The following ASPG variants were observed in gnomAD, a reference collection of about 807,000 sequenced individuals.
ASPG encodes the protein asparaginase, also known as 60 kDa lysophospholipase.
ASPG carries 53 observed loss-of-function variants against 63.2 expected under a neutral mutation model. The observed-to-expected ratio is 0.84, with a 90% CI of 0.67 to 1.05. The LOEUF is 1.05. ASPG is among the 50% of genes least tolerant of loss of function. The probability of loss-of-function intolerance (pLI) is 0.00; values close to 1 mark genes in which losing one functional copy is unlikely to be tolerated. For missense variants in ASPG, 741 were observed against 794.4 expected (o/e 0.93, Z 0.81); for synonymous variants, 370 against 355.0 (o/e 1.04, Z -0.48).
chr14:104,095,570 G>A lies in ASPG; in HGVS notation c.343G>A (p.Gly115Ser), dbSNP rs751249952. 7.4e-6 allele frequency: 12 copies of A among 1,613,080 alleles called. No individual in the cohort carries two copies. In the South Asian group the frequency reaches 7.7e-5, roughly 10 times the overall value. Residue 115 changes from glycine (G) to serine (S), a missense_variant, in exon 4 of 16, where the codon GGC becomes AGC. Transcript: ENST00000551177. ...EQYHGFVVIH[G>S]TDTMAFAASM... ...GTACCACGGCTTTGTGGTCATCCAC[G>A]GCACCGACACCATGGCCTTTGCTGC...
At chr14:104,098,555 G>A (rs1596082306) in intron 5 of ASPG, among the ~76,000 whole-genome samples, 1 of 152,156 alleles carries the variant, frequency 6.6e-6, no homozygotes, top group Admixed American at 6.5e-5. Flanking sequence ...CAGTGGGCAG[G>A]TGGGAAGGGA....
chr14:104,112,034 C>G, intron 15 of ASPG, 34 bp downstream of exon 15: 1 of 1,536,116 alleles, frequency 6.5e-7, no homozygotes, highest in Admixed American at 2.0e-5. Context: ...CTGACACCCC[C>G]CAGTGAGCTT....
At position 104,109,713 on chromosome 14, in the gene ASPG, G is replaced by A. The variant is rs1159523353; in HGVS notation, c.1520+398G>A. ...GGCTGCATTTGGGGAGGTTGGGGCAGGTGGGGCACAGAGGAGCTGAAGCCC... is the reference window on the plus strand; with the variant it reads ...GGCTGCATTTGGGGAGGTTGGGGCAAGTGGGGCACAGAGGAGCTGAAGCCC... On this transcript the variant is annotated intron_variant, in intron 13 of 15. Transcript: ENST00000551177. The surrounding 1 kb of genome is among the most constrained non-coding windows in gnomAD (Gnocchi z 4.8). Among the ~76,000 whole-genome samples the A allele has an allele frequency of 1.3e-5, 2 of 151,774 alleles. No homozygotes were observed. Among genetic ancestry groups the A allele is most frequent in the Non-Finnish European group, 2.9e-5 (2 of 67,906 alleles).
chr14:104,090,029 ACTC>A (rs1474188028), intron 1 of ASPG, among the ~76,000 whole-genome samples: 1 of 151,342 alleles, frequency 6.6e-6, no homozygotes, highest in African/African-American at 2.4e-5. Context: ...CTGGTTTTGA[ACTC>A]CTGGGCTCAA....
chr14:104,110,288 C>T lies in ASPG; in HGVS notation c.1520+973C>T. ...GGCTGGGAGGGGGTGGGTGCAGGCG[C>T]CTGCCCAGCAGGAGGAGGACTAGCA... On this transcript the variant is annotated intron_variant, in intron 13 of 15. Coordinates refer to ENST00000551177, the MANE Select transcript of ASPG (RefSeq NM_001080464.3). This position sits in a 1 kb window ranked among gnomAD's most constrained non-coding sequence, Gnocchi z 4.7. 2.0e-6 allele frequency: 2 copies of T among 985,232 alleles called. No individual in the cohort carries two copies. The highest frequency in any genetic ancestry group is 2.4e-6 in the Non-Finnish European group (2 of 829,878). 61.0% of individuals were successfully genotyped at this position (985,232 alleles called of 1,614,324 possible). A position where few individuals can be genotyped will look rare whatever the true frequency, so the allele number is the denominator to read the frequency against.
chr14:104,094,817 G>A (rs2140992990), intron 3 of ASPG, among the ~76,000 whole-genome samples: 1 of 152,330 alleles, frequency 6.6e-6, no homozygotes, highest in South Asian at 2.1e-4. Context: ...GTCTTGCCGC[G>A]AGTGGCCAGC....
intron 1 of ASPG, among the ~76,000 whole-genome samples, chr14:104,089,873 G>A (rs942532856): frequency 6.7e-6 from 1 of 149,274 alleles, no homozygotes; most frequent in Non-Finnish European, 1.5e-5. Flanking sequence ...GCTTGAGCCG[G>A]GTGGGTGGAG....
chr14:104,099,958 A>T (rs2036798774), intron 6 of ASPG, among the ~76,000 whole-genome samples: 2 of 152,082 alleles, frequency 1.3e-5, no homozygotes, highest in Admixed American at 6.5e-5. Context: ...GGTGGGGTGG[A>T]GGCGCCCCCT....
In ASPG at chr14:104,091,006, C is replaced by T. The variant is rs2036349945; in HGVS notation, c.83-1627C>T. Among the ~76,000 whole-genome samples the T allele has an allele frequency of 6.6e-6, 1 of 152,158 alleles. No homozygotes were observed. Among genetic ancestry groups the T allele is most frequent in the Non-Finnish European group, 1.5e-5 (1 of 68,044 alleles). On this transcript the variant is annotated intron_variant, in intron 1 of 15. Coordinates refer to ENST00000551177, the MANE Select transcript of ASPG (RefSeq NM_001080464.3). This position sits in a 1 kb window ranked among gnomAD's most constrained non-coding sequence, Gnocchi z 6.4. The stretch of plus-strand genomic sequence containing the variant: ...TCAACCTCCCAAGTAGCTGGGATTA[C>T]AGGCACCTGCCATCATGACCAGTTA...
Position 104,110,703 on chromosome 14 carries a change from A to C in ASPG, c.1521-799A>C. The stretch of plus-strand genomic sequence containing the variant: ...TTTCCTGGGTAGGCGCAGAGTCCCT[A>C]AGGGCCCTCCAGAGGAGGGGGCAGC... On this transcript the variant is annotated intron_variant, in intron 13 of 15. Coordinates refer to ENST00000551177, the MANE Select transcript of ASPG (RefSeq NM_001080464.3). The surrounding 1 kb of genome is among the most constrained non-coding windows in gnomAD (Gnocchi z 4.7). The C allele has an allele frequency of 9.1e-6, 9 of 985,194 alleles. No individual in the cohort carries two copies. Among genetic ancestry groups the C allele is most frequent in the Non-Finnish European group, 1.1e-5 (9 of 829,836 alleles). 61.0% of individuals were successfully genotyped at this position (985,194 alleles called of 1,614,324 possible). A position where few individuals can be genotyped will look rare whatever the true frequency, so the allele number is the denominator to read the frequency against.
chr14:104,100,415 A>G (rs2036823073), intron 6 of ASPG, among the ~76,000 whole-genome samples: 1 of 152,102 alleles, frequency 6.6e-6, no homozygotes, highest in Non-Finnish European at 1.5e-5. Flanking sequence ...TTGTTGCCCC[A>G]GGGCCCCTCA....
At chr14:104,103,782 C>T (rs1009273105) in intron 7 of ASPG, 107 bp downstream of exon 7, 19 of 872,878 alleles carry the variant, frequency 2.2e-5, no homozygotes, top group Admixed American at 1.5e-4. Flanking sequence ...GTGCAGACCC[C>T]GCGTGGACCT....
chr14:104,096,638 G>A (rs1407961031), intron 4 of ASPG, among the ~76,000 whole-genome samples: 1 of 152,174 alleles, frequency 6.6e-6, no homozygotes, highest in Non-Finnish European at 1.5e-5. Context: ...GGGGATCAAG[G>A]GCACAGTTAT....
At chr14:104,086,041 G>C (rs1275036619) in intron 1 of ASPG, among the ~76,000 whole-genome samples, 189 bp downstream of exon 1, 2 of 152,178 alleles carry the variant, frequency 1.3e-5, no homozygotes, top group African/African-American at 4.8e-5. Context: ...CCTGGACAGA[G>C]GAGATTGCGG....
Position 104,093,471 on chromosome 14 carries a change from C to T in ASPG, c.192-20C>T, listed in dbSNP as rs371990303. 3.3e-5 allele frequency: 53 copies of T among 1,595,522 alleles called. No homozygotes were observed. Among genetic ancestry groups the T allele is most frequent in the Non-Finnish European group, 4.2e-5 (49 of 1,165,570 alleles). On this transcript the variant is annotated intron_variant, in intron 2 of 15. Coordinates refer to ENST00000551177, the MANE Select transcript of ASPG (RefSeq NM_001080464.3). The stretch of plus-strand genomic sequence containing the variant: ...GAGCGGGAGCCTGCTGTTCCGCCTC[C>T]TGCTGTTTCTGTCCCGCAGCCCGGC...
At chr14:104,102,604 CCTGCT>C (rs2036927683) in intron 6 of ASPG, among the ~76,000 whole-genome samples, 1 of 152,216 alleles carries the variant, frequency 6.6e-6, no homozygotes, top group Non-Finnish European at 1.5e-5. Context: ...AGTGTCCAGC[CCTGCT>C]CTGCTGGAGG....
At chr14:104,112,089 G>A (rs913142679) in intron 15 of ASPG, 89 bp downstream of exon 15, 28 of 1,270,248 alleles carry the variant, frequency 2.2e-5, no homozygotes, top group Non-Finnish European at 2.7e-5. Context: ...TAATCAAGGG[G>A]AACAGAACCG....
At chr14:104,112,402 C>A (rs1023491216) in intron 15 of ASPG, 122 bp from the exon 16 acceptor site, 1 of 720,644 alleles carries the variant, frequency 1.4e-6, no homozygotes, top group Non-Finnish European at 2.6e-6. Context: ...CTCCCATAGT[C>A]TCAAGCTGGG....
chr14:104,092,382 C>G (rs1351828078), intron 1 of ASPG, among the ~76,000 whole-genome samples: 2 of 152,144 alleles, frequency 1.3e-5, no homozygotes, highest in East Asian at 3.8e-4. Flanking sequence ...GGGCAGAGCT[C>G]CTGGGGCCGT....
Sources: allele counts gnomAD v4.1 joint callset (sites outside exome capture counted in the v4.1 genomes callset), GRCh38; gene constraint gnomAD v4.1.1; non-coding constraint Gnocchi (gnomAD v3.1); transcripts MANE v1.5; gene names NCBI Gene and HGNC (gene_info 2026-07-23, HGNC 2026-07-21).